The following ITGB3BP variants were observed in gnomAD, a reference collection of about 807,000 sequenced individuals.
ITGB3BP encodes the protein centromere protein R.
In ITGB3BP, 27 loss-of-function variants were observed where a neutral mutation model predicts 29.1. The observed-to-expected ratio is 0.93, with a 90% CI of 0.68 to 1.28. The LOEUF (loss-of-function observed/expected upper bound fraction) is 1.28, where lower values mean the gene tolerates loss of function less well. Ranked by LOEUF, ITGB3BP falls within the 50% of genes most tolerant of loss-of-function variation. ITGB3BP has a pLI of 0.00. For synonymous variants in ITGB3BP, 61 were observed against 61.4 expected, an observed-to-expected ratio of 0.99 and a Z score of 0.03; for missense variants, 192 against 200.2, an observed-to-expected ratio of 0.96 and a Z score of 0.25.
upstream of ITGB3BP, chr1:63,523,723 C>T (rs960840735): frequency 2.5e-5 from 4 of 161,170 alleles, no homozygotes; most frequent in African/African-American, 9.6e-5. Flanking sequence ...GTCTACTTCT[C>T]TGTCATAAAC....
intron 1 of ITGB3BP, among the ~76,000 whole-genome samples, chr1:63,517,070 A>C (rs943070085): frequency 6.6e-6 from 1 of 152,202 alleles, no homozygotes; most frequent in East Asian, 1.9e-4. Flanking sequence ...ATTAGATTAC[A>C]TGAAAAATGA....
intron 2 of ITGB3BP, among the ~76,000 whole-genome samples, chr1:63,503,295 T>C (rs930412870): frequency 1.3e-5 from 2 of 152,210 alleles, no homozygotes; most frequent in African/African-American, 2.4e-5. Context: ...ATGTGTCTTT[T>C]GGCTGCATAA....
chr1:63,488,504 C>T (rs1367646973), intron 3 of ITGB3BP, among the ~76,000 whole-genome samples: 1 of 151,896 alleles, frequency 6.6e-6, no homozygotes, highest in Non-Finnish European at 1.5e-5. Context: ...GAGATTATGA[C>T]CTCATTTAGA....
At chr1:63,464,676 AT>A (rs959124053) in intron 4 of ITGB3BP, among the ~76,000 whole-genome samples, 1 of 152,214 alleles carries the variant, frequency 6.6e-6, no homozygotes, top group Non-Finnish European at 1.5e-5. Context: ...GTATTTATTA[AT>A]TACAAAGGGA....
rs528392642 is a variant in ITGB3BP, at chr1:63,441,644, G to A, written c.*2-541C>T. 2.6e-5 allele frequency among the ~76,000 whole-genome samples: 4 copies of A among 152,260 alleles called. No homozygotes were observed. In the South Asian group the frequency reaches 8.3e-4, roughly 32 times the overall value. ...CCATACTTACATGAGATACTTCTCA[G>A]AGAATTTTAAAACTCCAACAGGGCC... On this transcript the variant is annotated intron_variant, in intron 8 of 8. Coordinates refer to ENST00000271002, the MANE Select transcript of ITGB3BP (RefSeq NM_014288.5).
rs528951766 is a variant in ITGB3BP, at chr1:63,480,070, CTCATTATTTAT to C, written c.185-1248_185-1238del. 5.2e-3 allele frequency among the ~76,000 whole-genome samples: 790 copies of C among 152,216 alleles called. 5 individuals carry two copies. Among genetic ancestry groups the C allele is most frequent in the Non-Finnish European group, 8.1e-3 (553 of 67,952 alleles). On this transcript the variant is annotated intron_variant, in intron 3 of 8. Transcript: ENST00000271002. ...TCCTTGGAAAGATCTAAGTATATCACTCATTATTTATTTAAGATAACAATAAAATAAATAAA... is the reference window on the plus strand; with the variant it reads ...TCCTTGGAAAGATCTAAGTATATCACTTAAGATAACAATAAAATAAATAAA...
At chr1:63,519,493 C>A (rs1646403956) in intron 1 of ITGB3BP, among the ~76,000 whole-genome samples, 1 of 152,074 alleles carries the variant, frequency 6.6e-6, no homozygotes, top group Non-Finnish European at 1.5e-5. Flanking sequence ...TTATACCTTC[C>A]TCTATTAGAC....
At chr1:63,501,836 T>A (rs992945984) in intron 2 of ITGB3BP, among the ~76,000 whole-genome samples, 4 of 150,764 alleles carry the variant, frequency 2.7e-5, no homozygotes, top group African/African-American at 9.8e-5. Flanking sequence ...TACTCCAGCC[T>A]GGGCAACAGA....
At chr1:63,469,656 A>C (rs553308065) in intron 4 of ITGB3BP, among the ~76,000 whole-genome samples, 4 of 152,206 alleles carry the variant, frequency 2.6e-5, no homozygotes, top group Non-Finnish European at 4.4e-5. Flanking sequence ...ATGAACACTT[A>C]TGGGCATATC....
chr1:63,504,018 A>G (rs139471419), intron 2 of ITGB3BP, among the ~76,000 whole-genome samples: 51,379 of 151,194 alleles, frequency 0.34, 9,094 homozygotes, highest in East Asian at 0.48. Context: ...TTCCATATGA[A>G]CTTTAAAGTA....
intron 4 of ITGB3BP, among the ~76,000 whole-genome samples, chr1:63,473,603 C>T (rs1191160802): frequency 7.4e-6 from 1 of 134,812 alleles, no homozygotes; most frequent in Non-Finnish European, 1.6e-5. Context: ...CCAGCCGCCC[C>T]GTCCGGGAGG....
At chr1:63,484,535 C>T (rs1160086592) in intron 3 of ITGB3BP, among the ~76,000 whole-genome samples, 1 of 152,068 alleles carries the variant, frequency 6.6e-6, no homozygotes, top group African/African-American at 2.4e-5. Flanking sequence ...GGTTTCCAAA[C>T]ATACAGGTTA....
intron 3 of ITGB3BP, among the ~76,000 whole-genome samples, chr1:63,482,795 A>C (rs1304887106): frequency 6.6e-6 from 1 of 151,934 alleles, no homozygotes; most frequent in Non-Finnish European, 1.5e-5. Context: ...CTGGGACTGC[A>C]AGCGTGCACC....
chr1:63,502,655 C>CCCTCT (rs71052485), intron 2 of ITGB3BP, among the ~76,000 whole-genome samples: 18,822 of 141,566 alleles, frequency 0.13, 1,528 homozygotes, highest in Middle Eastern at 0.23. Context: ...CTAATGCTAT[C>CCCTCT]CCTCTCCCCT....
chr1:63,444,985 A>G (rs1163303918), intron 8 of ITGB3BP, among the ~76,000 whole-genome samples: 1 of 152,172 alleles, frequency 6.6e-6, no homozygotes, highest in Non-Finnish European at 1.5e-5. Context: ...CTGCTGGCAC[A>G]TAGAAATTAC....
chr1:63,493,875 C>G (rs1040287490), intron 2 of ITGB3BP, among the ~76,000 whole-genome samples: 1 of 152,180 alleles, frequency 6.6e-6, no homozygotes, highest in Non-Finnish European at 1.5e-5. Context: ...CTATTTTGAA[C>G]TGTCAGCCTA....
At chr1:63,509,737 C>G (rs368749231) in intron 1 of ITGB3BP, among the ~76,000 whole-genome samples, 3 of 152,208 alleles carry the variant, frequency 2.0e-5, no homozygotes, top group Admixed American at 6.5e-5. Context: ...TTTTAGAAAT[C>G]TACTTAATAT....
intron 4 of ITGB3BP, among the ~76,000 whole-genome samples, chr1:63,456,409 CAGG>C (rs1248373014): frequency 1.3e-5 from 2 of 152,150 alleles, no homozygotes; most frequent in African/African-American, 4.8e-5. Flanking sequence ...GATTGCTTAA[CAGG>C]AGAACCTCAG....
chr1:63,494,720 T>A lies in ITGB3BP; in HGVS notation c.49-4502A>T, dbSNP rs547626431. Among the ~76,000 whole-genome samples the A allele has an allele frequency of 5.9e-5, 9 of 152,328 alleles. No individual in the cohort carries two copies. In the East Asian group the frequency reaches 1.7e-3, roughly 29 times the overall value. Reference sequence around the variant, plus strand: ...GTTGATGCACTGGTTTTTCTATTTGTAGTAATTATTTTTTCACAATTTAAA... The same window carrying A: ...GTTGATGCACTGGTTTTTCTATTTGAAGTAATTATTTTTTCACAATTTAAA... On this transcript the variant is annotated intron_variant, in intron 2 of 8. Coordinates refer to ENST00000271002, the MANE Select transcript of ITGB3BP (RefSeq NM_014288.5).
Sources: gnomAD v4.1 joint callset for allele counts (sites outside exome capture counted in the v4.1 genomes callset) on GRCh38, gnomAD v4.1.1 for gene constraint, MANE v1.5 for transcripts, NCBI Gene and HGNC (gene_info 2026-07-23, HGNC 2026-07-21) for gene names.